ZC3H12B: variants seen among roughly 807,000 people sequenced by gnomAD.
ZC3H12B encodes zinc finger CCCH-type containing 12B.
Under a neutral mutation model 43.9 loss-of-function variants are expected in ZC3H12B, and 7 were observed. The observed-to-expected ratio is 0.16, with a 90% CI of 0.09 to 0.30. The LOEUF (loss-of-function observed/expected upper bound fraction) is 0.30, where lower values mean the gene tolerates loss of function less well. Ranked by LOEUF, ZC3H12B falls within the 10% of genes least tolerant of loss-of-function variation. The probability of loss-of-function intolerance (pLI) is 1.00; values close to 1 mark genes in which losing one functional copy is unlikely to be tolerated. For missense variants in ZC3H12B, 475 were observed against 670.2 expected, an observed-to-expected ratio of 0.71 and a Z score of 3.22; for synonymous variants, 222 against 241.7, an observed-to-expected ratio of 0.92 and a Z score of 0.76.
chrX:65,105,339 G>T, the ZC3H12B span, among the ~76,000 whole-genome samples: 1 of 111,143 alleles, frequency 9.0e-6, no homozygotes, highest in Non-Finnish European at 1.9e-5. Context: ...TTTGATAGGT[G>T]CAGCAAACCA....
At chrX:65,404,058 T>C (rs2066794554) in intron 3 of ZC3H12B, among the ~76,000 whole-genome samples, 1 of 111,796 alleles carries the variant, frequency 8.9e-6, no homozygotes, top group Non-Finnish European at 1.9e-5. Flanking sequence ...TACAATAAGA[T>C]CTAAATAGAA....
the ZC3H12B span, among the ~76,000 whole-genome samples, chrX:65,356,575 C>T: frequency 9.0e-6 from 1 of 111,317 alleles, no homozygotes. Flanking sequence ...CTGTATATAC[C>T]ATAATGTAAA....
the ZC3H12B span, among the ~76,000 whole-genome samples, chrX:65,164,100 G>A: frequency 8.9e-6 from 1 of 111,891 alleles, no homozygotes; most frequent in African/African-American, 3.2e-5. Flanking sequence ...TTTAATAATT[G>A]CAAGGTAGTG....
chrX:65,450,720 CAT>C (rs1233880589), intron 3 of ZC3H12B, among the ~76,000 whole-genome samples: 1 of 13,300 alleles, frequency 7.5e-5, no homozygotes, highest in Non-Finnish European at 1.1e-4. Flanking sequence ...TATATGTATA[CAT>C]ATGTGTATAT....
At chrX:65,434,625 A>T (rs2148114306) in intron 3 of ZC3H12B, among the ~76,000 whole-genome samples, 1 of 112,060 alleles carries the variant, frequency 8.9e-6, no homozygotes, top group South Asian at 3.7e-4. Context: ...CCAGATTTTC[A>T]CTTGTATAAA....
At chrX:65,311,550 T>C in the ZC3H12B span, among the ~76,000 whole-genome samples, 1 of 112,177 alleles carries the variant, frequency 8.9e-6, no homozygotes, top group Non-Finnish European at 1.9e-5. Context: ...TTGGTGGGAC[T>C]GTAAACTAGT....
the ZC3H12B span, among the ~76,000 whole-genome samples, chrX:65,121,258 C>A: frequency 9.0e-6 from 1 of 111,254 alleles, no homozygotes; most frequent in South Asian, 3.8e-4. Context: ...TGGTGGAATT[C>A]GGCTGTGAAT....
the ZC3H12B span, among the ~76,000 whole-genome samples, chrX:65,284,247 C>CAA: frequency 7.2e-5 from 6 of 83,733 alleles, no homozygotes; most frequent in African/African-American, 3.5e-4. Context: ...GACACACACA[C>CAA]ACACAAAAAA....
the ZC3H12B span, among the ~76,000 whole-genome samples, chrX:65,066,942 G>A: frequency 4.5e-5 from 5 of 111,531 alleles, no homozygotes; most frequent in Non-Finnish European, 9.4e-5. Flanking sequence ...TACACTGTGA[G>A]GGGAAAACCA....
the ZC3H12B span, among the ~76,000 whole-genome samples, chrX:65,129,284 C>G: frequency 1.1e-5 from 1 of 94,572 alleles, no homozygotes; most frequent in South Asian, 4.3e-4. Flanking sequence ...CATATATACA[C>G]ACACTAGAAT....
chrX:65,271,715 G>A, the ZC3H12B span: 2 of 117,207 alleles, frequency 1.7e-5, no homozygotes, highest in African/African-American at 6.4e-5. Context: ...GGATCTTAGG[G>A]ATATTAAAAT....
the ZC3H12B span, among the ~76,000 whole-genome samples, chrX:65,074,004 G>A: frequency 8.9e-6 from 1 of 112,036 alleles, no homozygotes; most frequent in Non-Finnish European, 1.9e-5. Flanking sequence ...GATGCATCTA[G>A]TCAGCCATCT....
the ZC3H12B span, among the ~76,000 whole-genome samples, chrX:65,149,529 G>A: frequency 2.7e-5 from 3 of 110,143 alleles, no homozygotes; most frequent in Non-Finnish European, 5.7e-5. Context: ...ACTTTGGGAG[G>A]CCAAGATGGG....
chrX:65,369,796 C>G (rs903361505), intron 2 of ZC3H12B, among the ~76,000 whole-genome samples: 1 of 111,529 alleles, frequency 9.0e-6, no homozygotes, highest in Non-Finnish European at 1.9e-5. Context: ...TAGAATCAAG[C>G]CTTTCCAACT....
chrX:65,157,107 A>G, the ZC3H12B span, among the ~76,000 whole-genome samples: 2 of 110,835 alleles, frequency 1.8e-5, no homozygotes, highest in Admixed American at 9.7e-5. Flanking sequence ...TCAGCCTCCC[A>G]AGTAGCTGAG....
At chrX:65,259,134 G>C in the ZC3H12B span, among the ~76,000 whole-genome samples, 2 of 112,011 alleles carry the variant, frequency 1.8e-5, no homozygotes, top group East Asian at 2.8e-4. Context: ...GAACAAAACT[G>C]TGGGCATCAC....
the ZC3H12B span, among the ~76,000 whole-genome samples, chrX:65,101,919 A>T: frequency 8.9e-6 from 1 of 112,389 alleles, no homozygotes; most frequent in African/African-American, 3.2e-5. Context: ...AACCTGGCAG[A>T]GACACAACAA....
intron 2 of ZC3H12B, among the ~76,000 whole-genome samples, chrX:65,389,784 T>C (rs747578113): frequency 1.4e-4 from 16 of 112,453 alleles, no homozygotes; most frequent in Non-Finnish European, 2.6e-4. Context: ...CCACGCCCAA[T>C]AGGAATGCTT....
chrX:65,386,726 A>G (rs749033331), intron 2 of ZC3H12B, among the ~76,000 whole-genome samples: 6 of 110,795 alleles, frequency 5.4e-5, no homozygotes, highest in Non-Finnish European at 9.5e-5. Context: ...TAGTTCTTTT[A>G]ATTGTGATAT....
Sources: gnomAD v4.1 joint callset for allele counts (sites outside exome capture counted in the v4.1 genomes callset) on GRCh38, gnomAD v4.1.1 for gene constraint, MANE v1.5 for transcripts, NCBI Gene and HGNC (gene_info 2026-07-23, HGNC 2026-07-21) for gene names.